Variants in HMCN1 observed in about 807,000 individuals in gnomAD.
HMCN1 encodes the protein hemicentin-1.
A neutral mutation model predicts 625.9 loss-of-function variants in HMCN1; 321 were observed. That is an observed-to-expected ratio of 0.51 (90% CI 0.47 to 0.56). The LOEUF (loss-of-function observed/expected upper bound fraction) is 0.56. Ranked by LOEUF, HMCN1 falls within the 20% of genes least tolerant of loss-of-function variation. The pLI is 0.00. For missense variants in HMCN1, 6,588 were observed against 6,887.3 expected (o/e 0.96, Z 1.54); for synonymous variants, 2,425 against 2,417.6 (o/e 1.00, Z -0.09).
At chr1:185,747,478 C>G (rs1403033942) in intron 1 of HMCN1, among the ~76,000 whole-genome samples, 1 of 152,098 alleles carries the variant, frequency 6.6e-6, no homozygotes, top group Non-Finnish European at 1.5e-5. Flanking sequence ...ACTACCATAC[C>G]TGGCTAATTT....
At chr1:185,929,591 A>G (rs1234267089) in intron 10 of HMCN1, among the ~76,000 whole-genome samples, 1 of 152,154 alleles carries the variant, frequency 6.6e-6, no homozygotes, top group Non-Finnish European at 1.5e-5. Flanking sequence ...TGAATTTATT[A>G]CAATGTCTAT....
In HMCN1 at chr1:185,864,549, A is replaced by G. The variant is rs779480904; in HGVS notation, c.419A>G (p.Tyr140Cys). ...LEISLPGSFI[Y>C]VFTDARSKDY... ...ATTTCTCTTCCTGGTTCTTTCATCT[A>G]TGTTTTCACTGATGCTCGGTCCAAA... The change falls in exon 3 of 107, where the codon TAT becomes TGT. Residue 140 changes from tyrosine to cysteine, a missense_variant. By Grantham distance (194) the Tyr-to-Cys change is radical. Around this residue, in one of 3 missense-constraint regions of HMCN1, gnomAD observed 4,628 missense variants for 4,853.1 expected, o/e 0.95. Transcript: ENST00000271588. 3.7e-6 allele frequency: 6 copies of G among 1,613,790 alleles called. No homozygotes were observed. In the African/African-American group the frequency reaches 4.0e-5, roughly 11 times the overall value.
chr1:185,764,135 C>A (rs916905862), intron 1 of HMCN1, among the ~76,000 whole-genome samples: 2 of 152,030 alleles, frequency 1.3e-5, no homozygotes, highest in Non-Finnish European at 2.9e-5. Flanking sequence ...TCATGGGATT[C>A]TATAAAATAA....
Position 185,734,815 on chromosome 1 carries a change from G to A in HMCN1, c.36G>A (p.Leu12=), listed in dbSNP as rs76631922. 1.2e-6 allele frequency: 2 copies of A among 1,614,090 alleles called. No individual in the cohort carries two copies. Among genetic ancestry groups the A allele is most frequent in the East Asian group, 2.2e-5 (1 of 44,874 alleles). ...GGGAAGTTGTCCATACAGTATTCCT[G>A]TTTGCTCTTCTTTATTCTTCCCTAG... ...ISWEVVHTVF[L]FALLYSSLAQ... Residue 12 remains leucine, a synonymous_variant, in exon 1 of 107, where the codon CTG becomes CTA. Coordinates refer to ENST00000271588, the MANE Select transcript of HMCN1 (RefSeq NM_031935.3).
In HMCN1 at chr1:186,119,731, T is replaced by G; in HGVS notation, c.11957-14T>G. On this transcript the variant is annotated splice_polypyrimidine_tract_variant and intron_variant, in intron 78 of 106. Transcript: ENST00000271588. ...AGTGCTATTACTTCTTTTTGTTGAT[T>G]GGTTTTTTTATAGAGCCTCCAGTCA... 6.2e-7 allele frequency: 1 copy of G among 1,613,664 alleles called. No individual in the cohort carries two copies. The highest frequency in any genetic ancestry group is 2.2e-5 in the East Asian group (1 of 44,860).
chr1:185,850,953 T>C (rs1423236909), intron 2 of HMCN1, among the ~76,000 whole-genome samples: 1 of 152,196 alleles, frequency 6.6e-6, no homozygotes, highest in Admixed American at 6.6e-5. Flanking sequence ...TAGTGAATTA[T>C]TCTGTCTTAA....
intron 97 of HMCN1, among the ~76,000 whole-genome samples, chr1:186,155,104 A>C (rs1424553016): frequency 1.3e-5 from 2 of 152,174 alleles, no homozygotes; most frequent in Non-Finnish European, 2.9e-5. Context: ...TTTAAACTTC[A>C]CCATTTTATC....
At chr1:185,905,242 C>G (rs1666031405) in intron 4 of HMCN1, among the ~76,000 whole-genome samples, 1 of 151,638 alleles carries the variant, frequency 6.6e-6, no homozygotes, top group Non-Finnish European at 1.5e-5. Flanking sequence ...CATTTTCTCT[C>G]TCTCTTGTCC....
rs1339540003 is a variant in HMCN1 at position 186,144,293 on chromosome 1, G to C, written c.14045G>C (p.Cys4682Ser). ...NPPPAFGGSYCDGAETQMQVC... is the reference protein window; with the variant it reads ...NPPPAFGGSYSDGAETQMQVC... ...CCACCAGCGTTTGGTGGGTCCTACTGTGATGGAGCAGAAACACAGATGCAA... is the reference window on the plus strand; with the variant it reads ...CCACCAGCGTTTGGTGGGTCCTACTCTGATGGAGCAGAAACACAGATGCAA... The change falls in exon 90 of 107, where the codon TGT (cysteine) becomes TCT (serine). Residue 4682 changes from cysteine to serine, a missense_variant. Transcript: ENST00000271588. 1 of 1,614,012 alleles carries C rather than the reference G, an allele frequency of 6.2e-7. No homozygotes were observed. Among genetic ancestry groups the C allele is most frequent in the East Asian group, 2.2e-5 (1 of 44,870 alleles).
intron 1 of HMCN1, among the ~76,000 whole-genome samples, chr1:185,774,377 G>A (rs778483248): frequency 2.7e-4 from 41 of 152,142 alleles, no homozygotes; most frequent in South Asian, 4.1e-4. Context: ...TCTACTACAG[G>A]AGGAAAGATG....
intron 1 of HMCN1, among the ~76,000 whole-genome samples, chr1:185,759,708 CT>C (rs146484395): frequency 0.04 from 5,874 of 148,348 alleles, 335 homozygotes; most frequent in African/African-American, 0.13. Flanking sequence ...GAATTCAATA[CT>C]TTTTTTTTTA....
intron 1 of HMCN1, among the ~76,000 whole-genome samples, chr1:185,754,797 A>G (rs1655031145): frequency 1.3e-5 from 2 of 152,176 alleles, no homozygotes. Context: ...GCAGTGAGCC[A>G]TAATTGTGGC....
At chr1:185,932,650 A>G (rs1354524757) in intron 10 of HMCN1, among the ~76,000 whole-genome samples, 1 of 152,098 alleles carries the variant, frequency 6.6e-6, no homozygotes, top group Non-Finnish European at 1.5e-5. Flanking sequence ...GTTTTCACTC[A>G]TAAGTGGGAG....
rs1371137867 is a variant in HMCN1 at position 186,130,114 on chromosome 1, C to T, written c.13039+14C>T. ...TTTATGTGAAAGGTAGGGAAAAGCG[C>T]TCCATTTTTAATTTATAATGCATTC... On this transcript the variant is annotated intron_variant, in intron 84 of 106. Transcript: ENST00000271588. The T allele has an allele frequency of 6.2e-7, 1 of 1,612,744 alleles. No individual in the cohort carries two copies. The highest frequency in any genetic ancestry group is 8.5e-7 in the Non-Finnish European group (1 of 1,179,120).
Position 185,928,563 on chromosome 1 carries a change from A to T in HMCN1, c.1448A>T (p.Asn483Ile). Residue 483 changes from asparagine (N) to isoleucine (I), a missense_variant, in exon 10 of 107, where the codon AAC becomes ATC. This residue lies in a region of HMCN1 where 4,628 missense variants were observed against 4,853.1 expected (regional missense o/e 0.95). Coordinates refer to ENST00000271588, the MANE Select transcript of HMCN1 (RefSeq NM_031935.3). ...ACCTCCAGAGAATCTGCCAGTGTGA[A>T]CTTAGATATTGCAAAGGTCACTTTG... ...DQYLKESASV[N>I]LDIAKVTLSD... The T allele has an allele frequency of 6.2e-7, 1 of 1,612,994 alleles. No homozygotes were observed. The highest frequency in any genetic ancestry group is 8.5e-7 in the Non-Finnish European group (1 of 1,179,024).
At chr1:186,086,449 C>T in intron 58 of HMCN1, 42 bp downstream of exon 58, 1 of 1,585,026 alleles carries the variant, frequency 6.3e-7, no homozygotes, top group Non-Finnish European at 8.7e-7. Context: ...ATTTTCTCAT[C>T]TTTATTTTAA....
intron 28 of HMCN1, among the ~76,000 whole-genome samples, chr1:186,002,018 T>G (rs1314630217): frequency 6.6e-6 from 1 of 152,042 alleles, no homozygotes; most frequent in East Asian, 1.9e-4. Flanking sequence ...AAATAAGAAA[T>G]TATTACTCTT....
intron 1 of HMCN1, among the ~76,000 whole-genome samples, chr1:185,790,998 A>T (rs1657952104): frequency 6.6e-6 from 1 of 151,724 alleles, no homozygotes; most frequent in African/African-American, 2.4e-5. Flanking sequence ...TTCCAAACTT[A>T]TTTTTTTTCT....
chr1:186,001,581 T>C lies in HMCN1; in HGVS notation c.4201-13T>C. 6.2e-7 allele frequency: 1 copy of C among 1,612,990 alleles called. No individual in the cohort carries two copies. Among genetic ancestry groups the C allele is most frequent in the East Asian group, 2.2e-5 (1 of 44,820 alleles). On this transcript the variant is annotated splice_polypyrimidine_tract_variant and intron_variant, in intron 27 of 106. Coordinates refer to ENST00000271588, the MANE Select transcript of HMCN1 (RefSeq NM_031935.3). The stretch of plus-strand genomic sequence containing the variant: ...AGGATTGGAAATAACACTGACCATT[T>C]TGGCCCTTAAAGGTGACTGAAAGCA...
Sources: gnomAD v4.1 joint callset for allele counts (sites outside exome capture counted in the v4.1 genomes callset) on GRCh38, gnomAD v4.1.1 for gene constraint, gnomAD v4.1.1 regional missense constraint, MANE v1.5 for transcripts, NCBI Gene and HGNC (gene_info 2026-07-23, HGNC 2026-07-21) for gene names.